The following DPP10 variants were observed in gnomAD, a reference collection of about 807,000 sequenced individuals.
The protein encoded by DPP10 is dipeptidyl peptidase like 10.
In DPP10, 33 loss-of-function variants were observed where a neutral mutation model predicts 120.9. That is an observed-to-expected ratio of 0.27 (90% CI 0.21 to 0.37). The LOEUF is 0.37. DPP10 is among the 10% of genes least tolerant of loss of function. The probability of loss-of-function intolerance (pLI) is 1.00; values close to 1 mark genes in which losing one functional copy is unlikely to be tolerated. For missense variants in DPP10, 816 were observed against 942.8 expected (o/e 0.87, Z 1.76); for synonymous variants, 337 against 326.1 (o/e 1.03, Z -0.36).
rs193074886 is a variant in DPP10, at chr2:115,646,172, A to T, written c.442-43515A>T. Among the ~76,000 whole-genome samples, 79 of 152,254 alleles carry T rather than the reference A, an allele frequency of 5.2e-4. No individual in the cohort carries two copies. The East Asian group carries it at 0.015, about 29-fold the overall frequency. On this transcript the variant is annotated intron_variant, in intron 5 of 25. Transcript: ENST00000410059. ...TCCTATTTATTATTTTATTCAACAG[A>T]GAGTGACTAGTGCTTACTCTATGTC...
intron 3 of DPP10, among the ~76,000 whole-genome samples, chr2:115,404,852 CA>C (rs1164814319): frequency 1.3e-5 from 2 of 152,150 alleles, no homozygotes; most frequent in African/African-American, 4.8e-5. Flanking sequence ...CTAAAATAAT[CA>C]ACCCAATCTC....
chr2:115,574,067 A>T (rs143852343), intron 5 of DPP10, among the ~76,000 whole-genome samples: 1 of 152,086 alleles, frequency 6.6e-6, no homozygotes, highest in African/African-American at 2.4e-5. Flanking sequence ...ATCATCTGCC[A>T]TCCATTCATC....
At chr2:115,472,088 G>C (rs1264114767) in intron 3 of DPP10, among the ~76,000 whole-genome samples, 3 of 151,852 alleles carry the variant, frequency 2.0e-5, no homozygotes, top group African/African-American at 7.3e-5. Context: ...AATTCTCCTG[G>C]CTGTGTTGTG....
At chr2:115,602,164 A>G (rs911744643) in intron 5 of DPP10, among the ~76,000 whole-genome samples, 1 of 152,210 alleles carries the variant, frequency 6.6e-6, no homozygotes, top group Non-Finnish European at 1.5e-5. Context: ...CTGTTTGTCA[A>G]TAGGTCTGAG....
chr2:114,657,158 T>A (rs939607767), intron 1 of DPP10, among the ~76,000 whole-genome samples: 2 of 152,160 alleles, frequency 1.3e-5, no homozygotes, highest in Non-Finnish European at 2.9e-5. Context: ...GGCCTATATC[T>A]TTTAAGATCC....
chr2:115,305,327 A>G lies in DPP10; in HGVS notation c.61-3912A>G, dbSNP rs142939382. On this transcript the variant is annotated intron_variant, in intron 1 of 25. Transcript: ENST00000410059. ...TTCAGATGTTGGGTGGTAGAAAGCC[A>G]TCAAAAACAAAGTCAATCAGGATCA... is the stretch of plus-strand genomic sequence containing the variant. 3.8e-3 allele frequency among the ~76,000 whole-genome samples: 578 copies of G among 152,230 alleles called. 4 individuals are homozygous for G. The highest frequency in any genetic ancestry group is 0.012 in the African/African-American group (514 of 41,558).
chr2:114,934,930 TG>T (rs903314817), intron 1 of DPP10, among the ~76,000 whole-genome samples: 10 of 152,184 alleles, frequency 6.6e-5, no homozygotes, highest in South Asian at 4.1e-4. Context: ...CCTAAGTAAT[TG>T]GCAAATTATT....
intron 3 of DPP10, among the ~76,000 whole-genome samples, chr2:115,369,557 G>A (rs926019952): frequency 6.6e-6 from 1 of 152,042 alleles, no homozygotes. Flanking sequence ...AAAGCTGTGG[G>A]CAAATATTTC....
At chr2:115,225,915 T>C (rs999155480) in intron 1 of DPP10, among the ~76,000 whole-genome samples, 2 of 152,090 alleles carry the variant, frequency 1.3e-5, no homozygotes, top group Non-Finnish European at 2.9e-5. Context: ...GCTTTTCTCC[T>C]CTCATTTTGC....
chr2:115,315,227 C>A (rs550499360), intron 2 of DPP10, among the ~76,000 whole-genome samples: 2 of 151,520 alleles, frequency 1.3e-5, no homozygotes, highest in South Asian at 2.1e-4. Context: ...TGAAAGAGGG[C>A]TTTAAAAATA....
intron 5 of DPP10, among the ~76,000 whole-genome samples, chr2:115,608,640 A>G (rs2149243895): frequency 6.6e-6 from 1 of 152,288 alleles, no homozygotes; most frequent in South Asian, 2.1e-4. Context: ...AGAAGTTCCA[A>G]CAAGCCTTTA....
chr2:115,428,667 C>T (rs577222886), intron 3 of DPP10, among the ~76,000 whole-genome samples: 4 of 152,282 alleles, frequency 2.6e-5, no homozygotes, highest in South Asian at 2.1e-4. Context: ...CCGCCTCCAA[C>T]GTTGGTGATG....
intron 4 of DPP10, among the ~76,000 whole-genome samples, chr2:115,503,368 G>A (rs2148804917): frequency 6.6e-6 from 1 of 152,238 alleles, no homozygotes; most frequent in East Asian, 1.9e-4. Flanking sequence ...GTATATGGAG[G>A]TGATAGATCC....
rs12476915 is a variant in DPP10, at chr2:115,526,005, C to T, written c.441+33C>T. ...AGTGATCTTCTTTGAGAATACTTTT[C>T]TTTGTGATGCATTGGGGTGACAATG... On this transcript the variant is annotated intron_variant, in intron 5 of 25. Coordinates refer to ENST00000410059, the MANE Select transcript of DPP10 (RefSeq NM_020868.6). The T allele has an allele frequency of 2.4e-3, 3,660 of 1,545,622 alleles. 14 individuals carry two copies. Among genetic ancestry groups the T allele is most frequent in the Middle Eastern group, 0.012 (70 of 5,862 alleles).
intron 1 of DPP10, among the ~76,000 whole-genome samples, chr2:114,957,928 G>A (rs1181367117): frequency 1.3e-5 from 2 of 152,180 alleles, no homozygotes; most frequent in African/African-American, 4.8e-5. Flanking sequence ...AGAGAGAATG[G>A]TGGTTACCAA....
At chr2:115,653,991 T>C (rs538177167) in intron 5 of DPP10, among the ~76,000 whole-genome samples, 9 of 152,040 alleles carry the variant, frequency 5.9e-5, no homozygotes, top group Non-Finnish European at 1.3e-4. Flanking sequence ...CAAACTGACT[T>C]TCCTAAGAAC....
intron 1 of DPP10, among the ~76,000 whole-genome samples, chr2:115,269,909 C>A (rs983469427): frequency 7.9e-5 from 12 of 152,082 alleles, no homozygotes; most frequent in African/African-American, 2.9e-4. Flanking sequence ...TTAATTTGAT[C>A]TTGAGGTTGT....
chr2:115,400,538 C>T (rs190744367), intron 3 of DPP10, among the ~76,000 whole-genome samples: 54 of 151,522 alleles, frequency 3.6e-4, no homozygotes, highest in Non-Finnish European at 2.2e-4. Flanking sequence ...ACCATAATAT[C>T]AAAAGTTGTA....
At chr2:115,448,248 A>T (rs941414694) in intron 3 of DPP10, among the ~76,000 whole-genome samples, 2 of 152,202 alleles carry the variant, frequency 1.3e-5, no homozygotes, top group South Asian at 2.1e-4. Flanking sequence ...GAGACTCGGG[A>T]TAGAGAAAGA....
Sources: gnomAD v4.1 joint callset for allele counts (sites outside exome capture counted in the v4.1 genomes callset) on GRCh38, gnomAD v4.1.1 for gene constraint, MANE v1.5 for transcripts, NCBI Gene and HGNC (gene_info 2026-07-23, HGNC 2026-07-21) for gene names.